Variants in GLCE observed in about 807,000 individuals in gnomAD.
GLCE encodes the protein glucuronic acid epimerase.
In GLCE, 19 loss-of-function variants were observed where a neutral mutation model predicts 47.9. The observed-to-expected ratio is 0.40, with a 90% CI of 0.28 to 0.58. The LOEUF (loss-of-function observed/expected upper bound fraction) is 0.58. Ranked by LOEUF, GLCE falls within the 20% of genes least tolerant of loss-of-function variation. GLCE has a pLI of 0.48. For missense variants in GLCE, 556 were observed against 743.3 expected (o/e 0.75, Z 2.93); for synonymous variants, 245 against 263.4 (o/e 0.93, Z 0.68).
Position 69,214,278 on chromosome 15 carries a change from T to TC in GLCE, c.-14+3873dup, listed in dbSNP as rs1383058385. On this transcript the variant is annotated intron_variant, in intron 2 of 4. Coordinates refer to ENST00000261858, the MANE Select transcript of GLCE (RefSeq NM_015554.3). ...TAGGCTTTGTGTCCCCACCCATATCTCATCTTGAATTATAATTCCCATAAT... is the reference window on the plus strand; with the variant it reads ...TAGGCTTTGTGTCCCCACCCATATCTCCATCTTGAATTATAATTCCCATAAT... 2.0e-5 allele frequency among the ~76,000 whole-genome samples: 3 copies of TC among 152,118 alleles called. No homozygotes were observed. In the East Asian group the frequency reaches 5.8e-4, roughly 29 times the overall value.
chr15:69,193,482 C>T, intron 1 of GLCE, among the ~76,000 whole-genome samples: 1 of 151,980 alleles, frequency 6.6e-6, no homozygotes, highest in East Asian at 1.9e-4. Context: ...AAATGTCAAG[C>T]CTTTACTTTT....
chr15:69,249,706 C>A (rs556228969), intron 2 of GLCE, among the ~76,000 whole-genome samples: 1 of 152,232 alleles, frequency 6.6e-6, no homozygotes, highest in South Asian at 2.1e-4. Context: ...TACTGAAATA[C>A]AACCTTCATA....
intron 2 of GLCE, among the ~76,000 whole-genome samples, chr15:69,228,625 A>G (rs769920256): frequency 2.6e-5 from 4 of 152,232 alleles, no homozygotes; most frequent in Non-Finnish European, 4.4e-5. Context: ...TATTAATGAC[A>G]TCAAATGTAA....
intron 3 of GLCE, among the ~76,000 whole-genome samples, chr15:69,257,858 G>GT (rs1170533399): frequency 6.6e-6 from 1 of 151,656 alleles, no homozygotes; most frequent in Admixed American, 6.6e-5. Flanking sequence ...TTTTTCAGCA[G>GT]TTTTTTAAAT....
chr15:69,253,247 G>C (rs1055933828), intron 2 of GLCE, among the ~76,000 whole-genome samples: 1 of 152,222 alleles, frequency 6.6e-6, no homozygotes, highest in Non-Finnish European at 1.5e-5. Context: ...GGCTTCTAAA[G>C]TGTGTGCTGT....
chr15:69,221,535 A>G (rs757086682), intron 2 of GLCE, among the ~76,000 whole-genome samples: 23 of 150,328 alleles, frequency 1.5e-4, no homozygotes, highest in Non-Finnish European at 3.1e-4. Context: ...TTCTTTTCAG[A>G]TTGTTCATTG....
intron 2 of GLCE, among the ~76,000 whole-genome samples, chr15:69,241,210 C>T (rs1333375618): frequency 6.6e-6 from 1 of 152,102 alleles, no homozygotes; most frequent in East Asian, 1.9e-4. Context: ...TTGTTCTTGC[C>T]ATTAAACAGT....
chr15:69,181,035 G>A (rs972764889), intron 1 of GLCE, among the ~76,000 whole-genome samples: 4 of 152,096 alleles, frequency 2.6e-5, no homozygotes, highest in East Asian at 1.9e-4. Context: ...ACAGGATTTG[G>A]GGGACTGGGA....
At chr15:69,257,607 A>G (rs1311026361) in intron 3 of GLCE, among the ~76,000 whole-genome samples, 1 of 152,186 alleles carries the variant, frequency 6.6e-6, no homozygotes, top group African/African-American at 2.4e-5. Flanking sequence ...AGCCTCCCAA[A>G]GTGCTGGAAT....
chr15:69,260,913 C>T, intron 3 of GLCE, 174 bp from the exon 4 acceptor site: 2 of 537,552 alleles, frequency 3.7e-6, no homozygotes, highest in East Asian at 5.7e-5. Context: ...TTGTTTTTCA[C>T]ATCTGGTTAA....
At position 69,255,924 on chromosome 15, in the gene GLCE, C is replaced by G; in HGVS notation, c.118C>G (p.Pro40Ala). 6.2e-7 allele frequency: 1 copy of G among 1,614,056 alleles called. No homozygotes were observed. The highest frequency in any genetic ancestry group is 8.5e-7 in the Non-Finnish European group (1 of 1,179,992). ...KCSSDKAIQF[P>A]RRSSSGFRVD... is the part of the protein sequence containing the mutation. ...TTCCAGTGACAAAGCAATCCAGTTT[C>G]CACGGCGTTCGAGTAGTGGCTTCAG... Residue 40 changes from proline to alanine, a missense_variant, in exon 3 of 5, where the codon CCA becomes GCA. By Grantham distance (27) the Pro-to-Ala change is conservative (BLOSUM62 -1). Around this residue, in one of 3 missense-constraint regions of GLCE, gnomAD observed 237 missense variants for 310.9 expected, o/e 0.76. Coordinates refer to ENST00000261858, the MANE Select transcript of GLCE (RefSeq NM_015554.3).
chr15:69,245,838 C>G (rs1286758904), intron 2 of GLCE, among the ~76,000 whole-genome samples: 1 of 152,088 alleles, frequency 6.6e-6, no homozygotes, highest in Non-Finnish European at 1.5e-5. Context: ...AAGCAATTCT[C>G]CTGCCTCAGC....
intron 3 of GLCE, 105 bp downstream of exon 3, chr15:69,256,497 C>T: frequency 5.1e-6 from 4 of 786,482 alleles, no homozygotes; most frequent in Non-Finnish European, 4.1e-6. Context: ...TGTCAAAAGA[C>T]CTTTCATCAC....
intron 2 of GLCE, among the ~76,000 whole-genome samples, chr15:69,254,202 A>G (rs1440288899): frequency 6.6e-6 from 1 of 152,242 alleles, no homozygotes; most frequent in East Asian, 1.9e-4. Context: ...AACGGCAGTT[A>G]AACTACTCCC....
intron 2 of GLCE, among the ~76,000 whole-genome samples, chr15:69,247,874 T>C (rs1268048133): frequency 6.6e-6 from 1 of 152,176 alleles, no homozygotes; most frequent in Non-Finnish European, 1.5e-5. Flanking sequence ...TGAGTACAGT[T>C]AATAGTACCC....
At chr15:69,187,958 G>C (rs1302983901) in intron 1 of GLCE, among the ~76,000 whole-genome samples, 1 of 152,184 alleles carries the variant, frequency 6.6e-6, no homozygotes, top group Non-Finnish European at 1.5e-5. Context: ...CAGCTACTCA[G>C]GAGGCTGAGG....
intron 2 of GLCE, among the ~76,000 whole-genome samples, chr15:69,214,556 A>G (rs2052278497): frequency 6.6e-6 from 1 of 152,108 alleles, no homozygotes; most frequent in African/African-American, 2.4e-5. Flanking sequence ...TTCCTTTATA[A>G]ATTACCCAGT....
chr15:69,270,849 T>C lies in GLCE; in HGVS notation c.*1605T>C, dbSNP rs1323913579. On this transcript the variant is annotated 3_prime_UTR_variant, in exon 5 of 5. Coordinates refer to ENST00000261858, the MANE Select transcript of GLCE (RefSeq NM_015554.3). ...GATGTGACCACACTCTTCTTAATTT[T>C]GTTCACAGTAAAAACACTTTTTTGA... 6.6e-6 allele frequency: 1 copy of C among 152,218 alleles called. No individual in the cohort carries two copies. Among genetic ancestry groups the C allele is most frequent in the African/African-American group, 2.4e-5 (1 of 41,454 alleles). 9.4% of individuals were successfully genotyped at this position (152,218 alleles called of 1,614,324 possible).
chr15:69,238,277 G>A (rs1285154442), intron 2 of GLCE, among the ~76,000 whole-genome samples: 1 of 152,118 alleles, frequency 6.6e-6, no homozygotes, highest in Non-Finnish European at 1.5e-5. Flanking sequence ...AGTATATGGT[G>A]ACTTGGAGCC....
Sources: allele counts gnomAD v4.1 joint callset (sites outside exome capture counted in the v4.1 genomes callset), GRCh38; gene constraint gnomAD v4.1.1; regional missense constraint gnomAD v4.1.1; transcripts MANE v1.5; gene names NCBI Gene and HGNC (gene_info 2026-07-23, HGNC 2026-07-21).